The following HHAT variants were observed in gnomAD, a reference collection of about 807,000 sequenced individuals.
HHAT encodes hedgehog acyltransferase, also known as protein-cysteine N-palmitoyltransferase HHAT.
HHAT carries 47 observed loss-of-function variants against 70.8 expected under a neutral mutation model. The observed-to-expected ratio is 0.66, with a 90% CI of 0.53 to 0.85. The LOEUF is 0.85. HHAT is among the 40% of genes least tolerant of loss of function. HHAT has a pLI of 0.00. For synonymous variants in HHAT, 228 were observed against 247.6 expected, an observed-to-expected ratio of 0.92 and a Z score of 0.74; for missense variants, 609 against 604.8, an observed-to-expected ratio of 1.01 and a Z score of -0.07.
chr1:210,575,754 AGAACTTTGATC>A (rs1481777174), intron 9 of HHAT, among the ~76,000 whole-genome samples: 4 of 152,246 alleles, frequency 2.6e-5, no homozygotes, highest in African/African-American at 7.2e-5. Context: ...ATGTGTCATC[AGAACTTTGATC>A]TTCCAGGACA....
At chr1:210,374,497 C>T (rs1436683933) in intron 3 of HHAT, among the ~76,000 whole-genome samples, 2 of 152,132 alleles carry the variant, frequency 1.3e-5, no homozygotes, top group Non-Finnish European at 2.9e-5. Context: ...GAGTCATCAC[C>T]TTGAGATTCC....
intron 3 of HHAT, among the ~76,000 whole-genome samples, chr1:210,364,613 A>C (rs1338468225): frequency 6.6e-6 from 1 of 152,270 alleles, no homozygotes; most frequent in Admixed American, 6.5e-5. Flanking sequence ...CACAGATTTC[A>C]TGATCAAGGG....
intron 9 of HHAT, among the ~76,000 whole-genome samples, chr1:210,582,137 A>G (rs1659405122): frequency 6.6e-6 from 1 of 152,192 alleles, no homozygotes; most frequent in African/African-American, 2.4e-5. Flanking sequence ...TTGTAGACTG[A>G]GTAGGTGTTG....
At chr1:210,392,800 C>G (rs1002913666) in intron 4 of HHAT, among the ~76,000 whole-genome samples, 1 of 152,074 alleles carries the variant, frequency 6.6e-6, no homozygotes, top group Non-Finnish European at 1.5e-5. Flanking sequence ...CACCCCACCT[C>G]GTTTATAGGA....
intron 11 of HHAT, among the ~76,000 whole-genome samples, chr1:210,672,401 C>A (rs1023137683): frequency 4.6e-5 from 7 of 152,232 alleles, no homozygotes; most frequent in Non-Finnish European, 7.3e-5. Flanking sequence ...GATCCCCGTT[C>A]CTTGGATGGC....
chr1:210,486,394 C>A (rs1279663096), intron 8 of HHAT, among the ~76,000 whole-genome samples: 1 of 152,212 alleles, frequency 6.6e-6, no homozygotes, highest in Admixed American at 6.5e-5. Flanking sequence ...ATTTCTTCTT[C>A]ATTCATTCTG....
At chr1:210,598,922 T>C (rs1465902682) in intron 10 of HHAT, among the ~76,000 whole-genome samples, 1 of 152,198 alleles carries the variant, frequency 6.6e-6, no homozygotes, top group Admixed American at 6.5e-5. Context: ...CCCACTTCTT[T>C]CATATCTCCA....
At chr1:210,435,447 G>A (rs773580674) in intron 7 of HHAT, among the ~76,000 whole-genome samples, 4 of 151,792 alleles carry the variant, frequency 2.6e-5, no homozygotes, top group African/African-American at 4.9e-5. Context: ...TACAGATATT[G>A]CTTTGACATG....
At chr1:210,507,105 G>A (rs2094869582) in intron 8 of HHAT, among the ~76,000 whole-genome samples, 1 of 152,172 alleles carries the variant, frequency 6.6e-6, no homozygotes, top group Non-Finnish European at 1.5e-5. Context: ...ACAGACATTG[G>A]TGTCTGCTCT....
intron 9 of HHAT, among the ~76,000 whole-genome samples, chr1:210,577,563 C>G (rs1558198653): frequency 6.7e-6 from 1 of 149,228 alleles, no homozygotes; most frequent in Admixed American, 6.7e-5. Flanking sequence ...TTTCAACGTA[C>G]TGTTGAATTT....
In HHAT at chr1:210,534,190, G is replaced by T. The variant is rs527931844; in HGVS notation, c.1043+21002G>T. ...TGCTGAGCAGGCACCTATGGTCTGT[G>T]AGGGGCATCCATTCTTTTCCTGGCT... On this transcript the variant is annotated intron_variant, in intron 9 of 11. Transcript: ENST00000261458. Among the ~76,000 whole-genome samples the T allele has an allele frequency of 1.3e-3, 202 of 152,292 alleles. 1 individual carries two copies. The highest frequency in any genetic ancestry group is 4.5e-3 in the African/African-American group (187 of 41,552).
chr1:210,496,022 A>AAAAAAG (rs2094634514), intron 8 of HHAT, among the ~76,000 whole-genome samples: 1 of 150,540 alleles, frequency 6.6e-6, no homozygotes, highest in African/African-American at 2.4e-5. Context: ...AAAAAAAAAA[A>AAAAAAG]AAAAAAAAGA....
intron 3 of HHAT, among the ~76,000 whole-genome samples, chr1:210,377,907 G>A (rs2090349854): frequency 1.3e-5 from 2 of 152,178 alleles, no homozygotes; most frequent in Admixed American, 6.5e-5. Flanking sequence ...GGGTGAAGAT[G>A]TTTCAGTAGG....
At chr1:210,331,618 T>A (rs1158516282) in intron 1 of HHAT, among the ~76,000 whole-genome samples, 5 of 152,224 alleles carry the variant, frequency 3.3e-5, no homozygotes. Flanking sequence ...GCTCAAACTC[T>A]TTTGAAAGCT....
chr1:210,395,108 C>T (rs138512654), intron 4 of HHAT, among the ~76,000 whole-genome samples: 40 of 152,054 alleles, frequency 2.6e-4, no homozygotes, highest in Non-Finnish European at 3.8e-4. Flanking sequence ...TATTATTTTC[C>T]GAATAATGCT....
chr1:210,576,442 G>C (rs775948573), intron 9 of HHAT, among the ~76,000 whole-genome samples: 1 of 147,824 alleles, frequency 6.8e-6, no homozygotes, highest in Non-Finnish European at 1.5e-5. Flanking sequence ...GTGTGCGTGT[G>C]CGTGTTAAGA....
chr1:210,417,905 G>A (rs975601209), intron 6 of HHAT, among the ~76,000 whole-genome samples: 2 of 152,084 alleles, frequency 1.3e-5, no homozygotes, highest in Non-Finnish European at 1.5e-5. Flanking sequence ...AGTGCAGAAC[G>A]TGTCTTTGGC....
At chr1:210,613,192 T>A (rs1397816696) in intron 10 of HHAT, among the ~76,000 whole-genome samples, 1 of 152,022 alleles carries the variant, frequency 6.6e-6, no homozygotes, top group Non-Finnish European at 1.5e-5. Flanking sequence ...CTAAATCCAA[T>A]GTCATGAAGG....
chr1:210,328,909 G>C lies in HHAT; in HGVS notation c.-239G>C. 1.2e-6 allele frequency: 1 copy of C among 845,268 alleles called. No individual in the cohort carries two copies. Among genetic ancestry groups the C allele is most frequent in the Non-Finnish European group, 1.6e-6 (1 of 633,762 alleles). 52.4% of individuals were successfully genotyped at this position (845,268 alleles called of 1,614,324 possible). On this transcript the variant is annotated 5_prime_UTR_variant, in exon 1 of 12. Coordinates refer to ENST00000261458, the MANE Select transcript of HHAT (RefSeq NM_018194.6). ...CGGGCGCGGAGGGCGCGCGGGCACGGCGGCAGGGGCGTGCTCGGAGGACGC... is the reference window on the plus strand; with the variant it reads ...CGGGCGCGGAGGGCGCGCGGGCACGCCGGCAGGGGCGTGCTCGGAGGACGC...
Sources: allele counts gnomAD v4.1 joint callset (sites outside exome capture counted in the v4.1 genomes callset), GRCh38; gene constraint gnomAD v4.1.1; transcripts MANE v1.5; gene names NCBI Gene and HGNC (gene_info 2026-07-23, HGNC 2026-07-21).